SCN9A: variants seen among roughly 807,000 people sequenced by gnomAD.
The protein encoded by SCN9A is sodium voltage-gated channel alpha subunit 9, also known as sodium channel protein type 9 subunit alpha.
In SCN9A, 131 loss-of-function variants were observed where a neutral mutation model predicts 187.0. That is an observed-to-expected ratio of 0.70 (90% CI 0.61 to 0.81). The LOEUF (loss-of-function observed/expected upper bound fraction) is 0.81. SCN9A is among the 30% of genes least tolerant of loss of function. The probability of loss-of-function intolerance (pLI) is 0.00; values close to 1 mark genes in which losing one functional copy is unlikely to be tolerated. For missense variants in SCN9A, 2,252 were observed against 2,396.6 expected (o/e 0.94, Z 1.26); for synonymous variants, 809 against 808.6 (o/e 1.00, Z -0.01).
intron 1 of SCN9A, among the ~76,000 whole-genome samples, chr2:166,362,203 C>G (rs548158077): frequency 1.5e-4 from 23 of 152,060 alleles, no homozygotes; most frequent in Admixed American, 1.3e-3. Context: ...TGGTAAAGTA[C>G]TATGGTATAA....
chr2:166,251,717 A>G, intron 18 of SCN9A, 48 bp downstream of exon 18: 1 of 1,608,316 alleles, frequency 6.2e-7, no homozygotes, highest in East Asian at 2.2e-5. Flanking sequence ...GACAAACCCC[A>G]GAACACTAAT....
At chr2:166,355,186 C>T (rs543276363) in intron 1 of SCN9A, among the ~76,000 whole-genome samples, 1 of 152,000 alleles carries the variant, frequency 6.6e-6, no homozygotes. Flanking sequence ...TCACTGCAAC[C>T]TCTGCCTCTT....
At chr2:166,223,661 C>T (rs114141195) in intron 24 of SCN9A, among the ~76,000 whole-genome samples, 3,155 of 152,086 alleles carry the variant, frequency 0.021, 121 homozygotes, top group African/African-American at 0.073. Context: ...TGTAGTACTT[C>T]GTAACTATAG....
chr2:166,370,661 CTTATA>C (rs1303350349), intron 1 of SCN9A, among the ~76,000 whole-genome samples: 2 of 151,412 alleles, frequency 1.3e-5, no homozygotes, highest in African/African-American at 4.8e-5. Flanking sequence ...GTTTTTAATA[CTTATA>C]TTTTAATGCA....
chr2:166,271,891 A>AGC (rs200468278), intron 17 of SCN9A, among the ~76,000 whole-genome samples: 2,664 of 151,744 alleles, frequency 0.018, 122 homozygotes, highest in Admixed American at 0.097. Flanking sequence ...AGAGAGAGAG[A>AGC]GCGATACTTT....
At chr2:166,275,928 ATT>A (rs1429753731) in intron 16 of SCN9A, among the ~76,000 whole-genome samples, 1 of 152,150 alleles carries the variant, frequency 6.6e-6, no homozygotes, top group African/African-American at 2.4e-5. Context: ...GGACAACAAT[ATT>A]TTAGTAATTT....
intron 17 of SCN9A, among the ~76,000 whole-genome samples, chr2:166,257,041 TAA>T (rs1696308821): frequency 6.6e-6 from 1 of 151,662 alleles, no homozygotes; most frequent in African/African-American, 2.4e-5. Context: ...AGCATCTTTC[TAA>T]TGAAAAGAAG....
chr2:166,196,346 T>G lies in SCN9A; in HGVS notation c.*2326A>C, dbSNP rs201323995. 4 of 151,996 alleles carry G rather than the reference T, an allele frequency of 2.6e-5. No homozygotes were observed. The highest frequency in any genetic ancestry group is 5.9e-5 in the Non-Finnish European group (4 of 67,980). 9.4% of individuals were successfully genotyped at this position (151,996 alleles called of 1,614,324 possible). On this transcript the variant is annotated 3_prime_UTR_variant, in exon 27 of 27. Transcript: ENST00000642356. ...AACAAACGTAAATATATATAAAACT[T>G]AACCATGTTATTTTAAAAAAAAACA... is the stretch of plus-strand genomic sequence containing the variant.
intron 1 of SCN9A, among the ~76,000 whole-genome samples, chr2:166,344,488 C>T (rs1466952926): frequency 3.3e-5 from 5 of 152,106 alleles, no homozygotes; most frequent in South Asian, 2.1e-4. Flanking sequence ...AGAAAATAGT[C>T]CTTCAAGTCA....
At position 166,280,639 on chromosome 2, in the gene SCN9A, T is replaced by A. The variant is rs1189373739; in HGVS notation, c.2105-44A>T. The A allele has an allele frequency of 3.6e-6, 4 of 1,122,068 alleles. No homozygotes were observed. In the Admixed American group the frequency reaches 8.5e-5, roughly 24 times the overall value. 69.5% of individuals were successfully genotyped at this position (1,122,068 alleles called of 1,614,324 possible). A position where few individuals can be genotyped will look rare whatever the true frequency, so the allele number is the denominator to read the frequency against. On this transcript the variant is annotated intron_variant, in intron 13 of 26. Coordinates refer to ENST00000642356, the MANE Select transcript of SCN9A (RefSeq NM_001365536.1). ...GAACATGGAGTCAGCCATTTGTCTGTTTCACTCCTAACCAGATACAAATCA... is the reference window on the plus strand; with the variant it reads ...GAACATGGAGTCAGCCATTTGTCTGATTCACTCCTAACCAGATACAAATCA...
chr2:166,294,530 C>T, intron 8 of SCN9A, 69 bp downstream of exon 8: 1 of 1,173,576 alleles, frequency 8.5e-7, no homozygotes, highest in Middle Eastern at 2.0e-4. Flanking sequence ...GACTAATTTG[C>T]AAACTGACTG....
At position 166,272,864 on chromosome 2, in the gene SCN9A, T is replaced by C. The variant is rs759278653; in HGVS notation, c.2886A>G (p.Leu962=). The change falls in exon 17 of 27, where the codon CTA becomes CTG. Residue 962 remains leucine, a synonymous_variant. Coordinates refer to ENST00000642356, the MANE Select transcript of SCN9A (RefSeq NM_001365536.1). The part of the protein sequence containing the change: ...MVIGNLVVLN[L]FLALLLSSFS... ...ATGAGCTCAATAATAAGGCCAGAAA[T>C]AGGTTTAGGACCTATATCAGGGTGG... 2 of 1,490,820 alleles carry C rather than the reference T, an allele frequency of 1.3e-6. No homozygotes were observed. The highest frequency in any genetic ancestry group is 1.8e-6 in the Non-Finnish European group (2 of 1,119,820). 92.3% of individuals were successfully genotyped at this position (1,490,820 alleles called of 1,614,324 possible). A position where few individuals can be genotyped will look rare whatever the true frequency, so the allele number is the denominator to read the frequency against.
intron 20 of SCN9A, among the ~76,000 whole-genome samples, chr2:166,237,798 C>A (rs1422118723): frequency 6.6e-6 from 1 of 152,062 alleles, no homozygotes; most frequent in Non-Finnish European, 1.5e-5. Flanking sequence ...GAATGACATT[C>A]AAATCATATT....
chr2:166,375,155 C>A (rs977233444), intron 1 of SCN9A, among the ~76,000 whole-genome samples: 2 of 152,086 alleles, frequency 1.3e-5, no homozygotes, highest in East Asian at 1.9e-4. Context: ...AAATAATCTG[C>A]GCTGAGAAAT....
chr2:166,309,603 A>T (rs1698875165), intron 2 of SCN9A, among the ~76,000 whole-genome samples: 2 of 152,194 alleles, frequency 1.3e-5, no homozygotes, highest in East Asian at 3.9e-4. Context: ...ATAAAAGAGG[A>T]TACAAACAAA....
intron 1 of SCN9A, among the ~76,000 whole-genome samples, chr2:166,314,808 G>T (rs1482375456): frequency 1.3e-5 from 2 of 152,160 alleles, no homozygotes; most frequent in Non-Finnish European, 2.9e-5. Flanking sequence ...AATAGGAAGT[G>T]ATTATTGATG....
chr2:166,343,781 G>A (rs1699840339), intron 1 of SCN9A, among the ~76,000 whole-genome samples: 1 of 150,562 alleles, frequency 6.6e-6, no homozygotes, highest in Non-Finnish European at 1.5e-5. Context: ...GGGAGACAGA[G>A]TGAGATTGTG....
At chr2:166,268,743 C>A (rs903857313) in intron 17 of SCN9A, among the ~76,000 whole-genome samples, 2 of 151,786 alleles carry the variant, frequency 1.3e-5, no homozygotes, top group African/African-American at 4.8e-5. Context: ...AGATCTTGAA[C>A]CTTCATTATT....
intron 1 of SCN9A, among the ~76,000 whole-genome samples, chr2:166,351,417 T>G (rs1700030359): frequency 1.3e-5 from 2 of 152,162 alleles, no homozygotes; most frequent in Non-Finnish European, 2.9e-5. Context: ...GCAAAAGATG[T>G]GGGTCATGTG....
Sources: gnomAD v4.1 joint callset for allele counts (sites outside exome capture counted in the v4.1 genomes callset) on GRCh38, gnomAD v4.1.1 for gene constraint, MANE v1.5 for transcripts, NCBI Gene and HGNC (gene_info 2026-07-23, HGNC 2026-07-21) for gene names.